MICU1: variants seen among roughly 807,000 people sequenced by gnomAD.
MICU1 encodes the protein mitochondrial calcium uptake 1.
A neutral mutation model predicts 56.8 loss-of-function variants in MICU1; 45 were observed. The ratio of observed to expected loss-of-function variants is 0.79; its 90% confidence interval spans 0.62 to 1.02. The LOEUF is 1.02. MICU1 is among the 50% of genes least tolerant of loss of function. The pLI is 0.00. For missense variants in MICU1, 504 were observed against 587.1 expected (o/e 0.86, Z 1.46); for synonymous variants, 186 against 195.1 (o/e 0.95, Z 0.39).
At chr10:72,536,154 G>A (rs953098870) in intron 4 of MICU1, among the ~76,000 whole-genome samples, 3 of 152,014 alleles carry the variant, frequency 2.0e-5, no homozygotes, top group Non-Finnish European at 4.4e-5. Context: ...TAGCATTGTA[G>A]AGTTAACAAC....
intron 6 of MICU1, among the ~76,000 whole-genome samples, chr10:72,491,276 A>C (rs1415374983): frequency 2.6e-5 from 4 of 152,250 alleles, no homozygotes; most frequent in Non-Finnish European, 5.9e-5. Flanking sequence ...AGAATCAAAT[A>C]CAGTTAAATA....
At chr10:72,426,199 G>C (rs776565212) in intron 8 of MICU1, among the ~76,000 whole-genome samples, 7 of 151,906 alleles carry the variant, frequency 4.6e-5, no homozygotes, top group Non-Finnish European at 8.8e-5. Flanking sequence ...TGTAGTTTTA[G>C]TAGAGACAAG....
chr10:72,542,563 G>A (rs1448652957), intron 4 of MICU1, among the ~76,000 whole-genome samples: 3 of 152,266 alleles, frequency 2.0e-5, no homozygotes, highest in Admixed American at 6.5e-5. Flanking sequence ...AGGAGCAAAC[G>A]CCGTACGGGC....
chr10:72,533,814 T>C, intron 4 of MICU1, 25 bp from the exon 5 acceptor site: 2 of 1,512,586 alleles, frequency 1.3e-6, no homozygotes, highest in Non-Finnish European at 9.0e-7. Context: ...GAAAAAACAT[T>C]TAGCTACTGA....
intron 1 of MICU1, among the ~76,000 whole-genome samples, chr10:72,572,491 T>G (rs980464924): frequency 2.0e-5 from 3 of 152,074 alleles, no homozygotes. Context: ...TTAATAACTG[T>G]TCTCAGCAGA....
chr10:72,453,986 C>A (rs752322422), intron 8 of MICU1, among the ~76,000 whole-genome samples: 4 of 152,086 alleles, frequency 2.6e-5, no homozygotes, highest in Admixed American at 2.6e-4. Context: ...CAGATGCACA[C>A]CACCACGCCC....
chr10:72,511,304 T>C (rs1867440602), intron 5 of MICU1, among the ~76,000 whole-genome samples: 1 of 152,100 alleles, frequency 6.6e-6, no homozygotes, highest in African/African-American at 2.4e-5. Flanking sequence ...CCCCCCAAAA[T>C]ACACACTGAA....
In MICU1 at chr10:72,439,732, T is replaced by A. The variant is rs558932500; in HGVS notation, c.934-16361A>T. Among the ~76,000 whole-genome samples the A allele has an allele frequency of 1.9e-4, 29 of 152,170 alleles. No individual in the cohort carries two copies. The East Asian group carries it at 5.2e-3, about 27-fold the overall frequency. Reference sequence around the variant, plus strand: ...AGGATACAAAATCAATGTGCAAAAATCACAAGCATTCCTATCCACCAATAA... The same window carrying A: ...AGGATACAAAATCAATGTGCAAAAAACACAAGCATTCCTATCCACCAATAA... On this transcript the variant is annotated intron_variant, in intron 8 of 11. Coordinates refer to ENST00000361114, the MANE Select transcript of MICU1 (RefSeq NM_001195518.2).
chr10:72,587,883 A>C (rs925920158), intron 1 of MICU1, among the ~76,000 whole-genome samples: 19 of 152,134 alleles, frequency 1.2e-4, no homozygotes, highest in Non-Finnish European at 2.4e-4. Flanking sequence ...TTGAGAGAAA[A>C]ACACTTTTAA....
At chr10:72,590,948 C>T (rs1378353565) in intron 1 of MICU1, among the ~76,000 whole-genome samples, 3 of 151,098 alleles carry the variant, frequency 2.0e-5, no homozygotes, top group Non-Finnish European at 2.9e-5. Flanking sequence ...ACATTCTTCT[C>T]GAGGGTACGT....
At chr10:72,399,151 T>C (rs1863364838) in intron 10 of MICU1, among the ~76,000 whole-genome samples, 1 of 152,118 alleles carries the variant, frequency 6.6e-6, no homozygotes, top group African/African-American at 2.4e-5. Flanking sequence ...ACGCAAACCA[T>C]GTCCTTTGCA....
chr10:72,615,835 A>G (rs1389136718), intron 1 of MICU1, among the ~76,000 whole-genome samples: 1 of 152,070 alleles, frequency 6.6e-6, no homozygotes, highest in Non-Finnish European at 1.5e-5. Context: ...CTAAAAATAC[A>G]AAAAATTAGC....
At chr10:72,398,989 A>G (rs1188147354) in intron 10 of MICU1, among the ~76,000 whole-genome samples, 2 of 152,198 alleles carry the variant, frequency 1.3e-5, no homozygotes, top group Admixed American at 6.5e-5. Flanking sequence ...AGACACAACA[A>G]AAAAAGAGAA....
intron 6 of MICU1, among the ~76,000 whole-genome samples, chr10:72,500,706 G>T (rs1867042641): frequency 6.6e-6 from 1 of 152,086 alleles, no homozygotes; most frequent in African/African-American, 2.4e-5. Flanking sequence ...ACTTTAGATT[G>T]AACATATATG....
chr10:72,454,796 A>C (rs1026616770), intron 8 of MICU1, among the ~76,000 whole-genome samples: 3 of 149,204 alleles, frequency 2.0e-5, no homozygotes, highest in Admixed American at 1.3e-4. Context: ...AAAAAAAAAA[A>C]AACAAAAAAC....
intron 5 of MICU1, among the ~76,000 whole-genome samples, chr10:72,522,450 G>T (rs1449181557): frequency 6.6e-6 from 1 of 152,062 alleles, no homozygotes; most frequent in Non-Finnish European, 1.5e-5. Flanking sequence ...TATTTTAATA[G>T]GAGTCTGAAT....
rs564877730 is a variant in MICU1 at position 72,503,897 on chromosome 10, C to T, written c.652+4258G>A. Among the ~76,000 whole-genome samples the T allele has an allele frequency of 2.8e-5, 4 of 140,926 alleles. No individual in the cohort carries two copies. The Admixed American group carries it at 2.9e-4, about 10-fold the overall frequency. The allele number at this position is 140,926 out of a possible 152,430, so 92.5% of individuals were successfully genotyped here. A position where few individuals can be genotyped will look rare whatever the true frequency, so the allele number is the denominator to read the frequency against. The stretch of plus-strand genomic sequence containing the variant: ...ACACACACACACACACACACACACA[C>T]ACATACACCCTAGGAATATACGTGA... On this transcript the variant is annotated intron_variant, in intron 6 of 11. Transcript: ENST00000361114.
chr10:72,608,903 T>C (rs1841764595), intron 1 of MICU1, among the ~76,000 whole-genome samples: 1 of 152,200 alleles, frequency 6.6e-6, no homozygotes. Context: ...CTGTTTTCTA[T>C]CAATGTCATC....
At chr10:72,467,221 T>C (rs542112829) in intron 8 of MICU1, among the ~76,000 whole-genome samples, 39 of 152,282 alleles carry the variant, frequency 2.6e-4, no homozygotes, top group African/African-American at 8.9e-4. Context: ...TCTTGCCCTG[T>C]TGCCCAGACT....
Sources: gnomAD v4.1 joint callset for allele counts (sites outside exome capture counted in the v4.1 genomes callset) on GRCh38, gnomAD v4.1.1 for gene constraint, MANE v1.5 for transcripts, NCBI Gene and HGNC (gene_info 2026-07-23, HGNC 2026-07-21) for gene names.